CTNNA2: variants seen among roughly 807,000 people sequenced by gnomAD.
CTNNA2 encodes the protein catenin alpha-2.
CTNNA2 carries 42 observed loss-of-function variants against 101.0 expected under a neutral mutation model. The observed-to-expected ratio is 0.42, with a 90% CI of 0.32 to 0.54. The LOEUF (loss-of-function observed/expected upper bound fraction) is 0.54. Among genes scored for constraint, CTNNA2 ranks in the 20% least tolerant of loss-of-function variants. The pLI, the probability that CTNNA2 is intolerant of heterozygous loss-of-function variation, is 0.14. For missense variants in CTNNA2, 871 were observed against 1,223.1 expected (o/e 0.71, Z 4.29); for synonymous variants, 450 against 456.4 (o/e 0.99, Z 0.18).
At chr2:80,102,921 G>C (rs954403818) in intron 7 of CTNNA2, among the ~76,000 whole-genome samples, 3 of 151,356 alleles carry the variant, frequency 2.0e-5, no homozygotes, top group Non-Finnish European at 4.4e-5. Context: ...CAGGACAGTG[G>C]GGGGCAGACC....
chr2:79,807,768 A>T (rs1434903643), intron 3 of CTNNA2, among the ~76,000 whole-genome samples: 1 of 152,180 alleles, frequency 6.6e-6, no homozygotes, highest in Non-Finnish European at 1.5e-5. Flanking sequence ...GCACAATGCT[A>T]TTATGTGAAT....
At chr2:79,991,033 T>G (rs962530094) in intron 7 of CTNNA2, among the ~76,000 whole-genome samples, 1 of 152,214 alleles carries the variant, frequency 6.6e-6, no homozygotes, top group Non-Finnish European at 1.5e-5. Flanking sequence ...GTTTATCCAT[T>G]TCTTCTAGAC....
intron 3 of CTNNA2, among the ~76,000 whole-genome samples, chr2:79,830,147 A>G (rs1558560816): frequency 1.3e-5 from 2 of 152,026 alleles, no homozygotes; most frequent in African/African-American, 2.4e-5. Flanking sequence ...AATACGAAAC[A>G]TGTCTCAAGT....
At chr2:80,421,604 A>G (rs771802635) in intron 9 of CTNNA2, among the ~76,000 whole-genome samples, 1 of 152,126 alleles carries the variant, frequency 6.6e-6, no homozygotes, top group Non-Finnish European at 1.5e-5. Flanking sequence ...TGACAAGCTG[A>G]AAGCTTAGAT....
At chr2:80,580,788 G>C (rs1365972856) in intron 13 of CTNNA2, among the ~76,000 whole-genome samples, 1 of 152,154 alleles carries the variant, frequency 6.6e-6, no homozygotes, top group Non-Finnish European at 1.5e-5. Flanking sequence ...GCCAATGCGG[G>C]CAGATCACTT....
At chr2:79,218,352 T>TGTA (rs1491322056) in intron 2 of CTNNA2, among the ~76,000 whole-genome samples, 1,673 of 82,498 alleles carry the variant, frequency 0.02, 21 homozygotes, top group African/African-American at 0.045. Context: ...TGTGTGTGTA[T>TGTA]TTTTTTTTTT....
At chr2:80,449,339 A>G (rs1683313830) in intron 9 of CTNNA2, among the ~76,000 whole-genome samples, 1 of 151,966 alleles carries the variant, frequency 6.6e-6, no homozygotes, top group South Asian at 2.1e-4. Context: ...TAAATAAAAT[A>G]CACTTCTTGG....
At chr2:79,260,097 CT>C (rs2104285231) in intron 2 of CTNNA2, among the ~76,000 whole-genome samples, 1 of 152,226 alleles carries the variant, frequency 6.6e-6, no homozygotes, top group Non-Finnish European at 1.5e-5. Context: ...AAGGGAAGCC[CT>C]TCACCAGAGC....
chr2:80,232,603 T>C (rs751810713), intron 7 of CTNNA2, among the ~76,000 whole-genome samples: 2 of 152,002 alleles, frequency 1.3e-5, no homozygotes, highest in Non-Finnish European at 2.9e-5. Context: ...ATTGCAAGCT[T>C]GGAGTGGCCA....
Position 79,851,028 on chromosome 2 carries a change from G to A in CTNNA2, c.299-6985G>A, listed in dbSNP as rs79933059. Among the ~76,000 whole-genome samples, 110 of 152,250 alleles carry A rather than the reference G, an allele frequency of 7.2e-4. 1 individual carries two copies. The East Asian group carries it at 0.019, about 26-fold the overall frequency. ...GTTTGCAAATGTAGTTAGAGCAGAG[G>A]CCCTCAGCCACATCAACACCTGCTT... is the stretch of plus-strand genomic sequence containing the variant. On this transcript the variant is annotated intron_variant, in intron 3 of 18. Coordinates refer to ENST00000402739, the MANE Select transcript of CTNNA2 (RefSeq NM_001282597.3).
At chr2:79,790,492 A>G (rs1256174544) in intron 3 of CTNNA2, among the ~76,000 whole-genome samples, 2 of 152,174 alleles carry the variant, frequency 1.3e-5, no homozygotes, top group African/African-American at 4.8e-5. Context: ...TTTGAGGGCT[A>G]TATACTAATG....
At chr2:79,782,039 T>C (rs911066698) in intron 3 of CTNNA2, among the ~76,000 whole-genome samples, 2 of 152,206 alleles carry the variant, frequency 1.3e-5, no homozygotes, top group African/African-American at 4.8e-5. Context: ...GATTTCACAT[T>C]TGTACATGGA....
intron 6 of CTNNA2, among the ~76,000 whole-genome samples, chr2:79,886,625 C>T (rs1198377230): frequency 2.0e-5 from 3 of 150,846 alleles, no homozygotes; most frequent in Non-Finnish European, 4.4e-5. Context: ...GTGGCGGGCA[C>T]CTGTAGTCCC....
chr2:80,242,710 A>G (rs929226794), intron 7 of CTNNA2, among the ~76,000 whole-genome samples: 11 of 152,088 alleles, frequency 7.2e-5, no homozygotes, highest in African/African-American at 2.7e-4. Context: ...GTTTGGCTCC[A>G]TCTCCCCAGA....
intron 4 of CTNNA2, among the ~76,000 whole-genome samples, chr2:79,375,821 G>A (rs553445077): frequency 4.6e-5 from 7 of 152,070 alleles, no homozygotes; most frequent in African/African-American, 1.4e-4. Flanking sequence ...CAAAGAGGCT[G>A]AACTACAGGC....
At chr2:79,188,012 A>G (rs1053984919) in intron 1 of CTNNA2, among the ~76,000 whole-genome samples, 3 of 152,226 alleles carry the variant, frequency 2.0e-5, no homozygotes, top group Non-Finnish European at 4.4e-5. Flanking sequence ...TTAACAAAAA[A>G]CAGCAAGAGG....
At chr2:79,952,338 A>T (rs1442483219) in intron 7 of CTNNA2, among the ~76,000 whole-genome samples, 1 of 152,136 alleles carries the variant, frequency 6.6e-6, no homozygotes, top group Non-Finnish European at 1.5e-5. Flanking sequence ...AGCAACAACA[A>T]CAACAACCGA....
At chr2:80,358,338 T>C (rs1463998116) in intron 7 of CTNNA2, among the ~76,000 whole-genome samples, 2 of 146,184 alleles carry the variant, frequency 1.4e-5, no homozygotes, top group Non-Finnish European at 3.0e-5. Context: ...GTCAGTAGTA[T>C]TCTACTTTTT....
At chr2:79,200,059 T>A (rs1420820331) in intron 2 of CTNNA2, among the ~76,000 whole-genome samples, 1 of 152,104 alleles carries the variant, frequency 6.6e-6, no homozygotes, top group Non-Finnish European at 1.5e-5. Context: ...GAGACCACTC[T>A]CTAGTCTTTT....
Sources: allele counts gnomAD v4.1 joint callset (sites outside exome capture counted in the v4.1 genomes callset), GRCh38; gene constraint gnomAD v4.1.1; transcripts MANE v1.5; gene names NCBI Gene and HGNC (gene_info 2026-07-23, HGNC 2026-07-21).